Variants in DLG2 observed in about 807,000 individuals in gnomAD.
DLG2 encodes discs large MAGUK scaffold protein 2, also known as disks large homolog 2.
A neutral mutation model predicts 132.5 loss-of-function variants in DLG2; 45 were observed. That is an observed-to-expected ratio of 0.34 (90% CI 0.27 to 0.44). The LOEUF (loss-of-function observed/expected upper bound fraction) is 0.44, where lower values mean the gene tolerates loss of function less well. Ranked by LOEUF, DLG2 falls within the 20% of genes least tolerant of loss-of-function variation. The probability of loss-of-function intolerance (pLI) is 1.00; values close to 1 mark genes in which losing one functional copy is unlikely to be tolerated. For missense variants in DLG2, 1,045 were observed against 1,196.9 expected, an observed-to-expected ratio of 0.87 and a Z score of 1.87; for synonymous variants, 424 against 419.6, an observed-to-expected ratio of 1.01 and a Z score of -0.13.
intron 8 of DLG2, among the ~76,000 whole-genome samples, chr11:84,232,988 A>G (rs925246477): frequency 7.9e-5 from 12 of 152,172 alleles, no homozygotes; most frequent in Non-Finnish European, 1.3e-4. Flanking sequence ...CACAAGTCCA[A>G]TTTGCCATTA....
chr11:85,414,890 T>C (rs2089681153), intron 3 of DLG2, among the ~76,000 whole-genome samples: 1 of 152,124 alleles, frequency 6.6e-6, no homozygotes, highest in Non-Finnish European at 1.5e-5. Flanking sequence ...CTTTAAGTTC[T>C]GGGAGACATG....
Position 83,786,756 on chromosome 11 carries a change from G to T in DLG2, c.1759C>A (p.Gln587Lys). ...GCCCCCTTTAGTGCAGCAGCTGCCT[G>T]CTCGTGGGATGCACCACGGAGGTCA... Reference protein sequence around the residue: ...GIDLRGASHEQAAAALKGAGQ... With the variant: ...GIDLRGASHEKAAAALKGAGQ... The change falls in exon 18 of 28, where the codon CAG (glutamine) becomes AAG (lysine). Residue 587 changes from glutamine to lysine, a missense_variant. By Grantham distance (53) the Gln-to-Lys change is moderately conservative. Around this residue, in one of 4 missense-constraint regions of DLG2, gnomAD observed 398 missense variants for 543.6 expected, o/e 0.73. Transcript: ENST00000376104. 6 of 1,614,130 alleles carry T rather than the reference G, an allele frequency of 3.7e-6. No individual in the cohort carries two copies. The highest frequency in any genetic ancestry group is 5.1e-6 in the Non-Finnish European group (6 of 1,180,014).
chr11:84,912,082 A>T (rs2092111639), intron 6 of DLG2, among the ~76,000 whole-genome samples: 1 of 152,192 alleles, frequency 6.6e-6, no homozygotes, highest in Non-Finnish European at 1.5e-5. Flanking sequence ...CCAGTTTGAG[A>T]TAACCACCAA....
chr11:83,942,436 A>G (rs1189916562), intron 14 of DLG2, among the ~76,000 whole-genome samples: 1 of 152,214 alleles, frequency 6.6e-6, no homozygotes, highest in Non-Finnish European at 1.5e-5. Flanking sequence ...GATTAAAAAG[A>G]GTCTAGAAGC....
At chr11:84,784,357 TAAATA>T (rs2072470853) in intron 6 of DLG2, among the ~76,000 whole-genome samples, 1 of 148,558 alleles carries the variant, frequency 6.7e-6, no homozygotes, top group Admixed American at 6.7e-5. Context: ...AATAAATAAA[TAAATA>T]AATAAATTAA....
At chr11:84,217,136 A>G (rs2096846289) in intron 8 of DLG2, among the ~76,000 whole-genome samples, 1 of 152,220 alleles carries the variant, frequency 6.6e-6, no homozygotes, top group Non-Finnish European at 1.5e-5. Flanking sequence ...TTCTTTCCTT[A>G]TTTCTGTCCA....
chr11:84,888,963 G>A (rs1186707904), intron 6 of DLG2, among the ~76,000 whole-genome samples: 2 of 152,080 alleles, frequency 1.3e-5, no homozygotes, highest in African/African-American at 4.8e-5. Context: ...ATGAAAGATT[G>A]ACACAATTGA....
intron 6 of DLG2, among the ~76,000 whole-genome samples, chr11:84,785,290 A>C (rs2072672240): frequency 6.6e-6 from 1 of 152,078 alleles, no homozygotes; most frequent in South Asian, 2.1e-4. Flanking sequence ...CTGACAGTAT[A>C]ATTTTTTTCT....
At chr11:83,882,654 C>A (rs1201216135) in intron 15 of DLG2, among the ~76,000 whole-genome samples, 1 of 152,156 alleles carries the variant, frequency 6.6e-6, no homozygotes, top group East Asian at 1.9e-4. Context: ...ACTATACAAT[C>A]ATATTTTTAA....
At chr11:84,260,223 T>C (rs544473475) in intron 7 of DLG2, among the ~76,000 whole-genome samples, 3 of 152,242 alleles carry the variant, frequency 2.0e-5, no homozygotes, top group South Asian at 4.1e-4. Context: ...CACAAAAAAA[T>C]TGAGTCATTA....
chr11:85,511,322 T>C (rs1236103213), intron 3 of DLG2, among the ~76,000 whole-genome samples: 2 of 151,666 alleles, frequency 1.3e-5, no homozygotes, highest in Admixed American at 1.3e-4. Context: ...TGTATACACA[T>C]GTAACAAACC....
chr11:85,265,735 C>T (rs1368363724), intron 4 of DLG2, among the ~76,000 whole-genome samples: 2 of 152,180 alleles, frequency 1.3e-5, no homozygotes, highest in Non-Finnish European at 2.9e-5. Context: ...CCATCCTGTG[C>T]CTATAAAGAT....
chr11:83,556,854 C>T (rs915913443), intron 19 of DLG2, among the ~76,000 whole-genome samples: 4 of 152,148 alleles, frequency 2.6e-5, no homozygotes, highest in Non-Finnish European at 4.4e-5. Context: ...TGGGATGATG[C>T]GGGGAAGATG....
intron 6 of DLG2, among the ~76,000 whole-genome samples, chr11:84,994,826 T>C (rs759593789): frequency 2.0e-5 from 3 of 152,214 alleles, no homozygotes; most frequent in African/African-American, 7.2e-5. Context: ...GCCTTGTGTT[T>C]CCTGGAAACA....
At chr11:83,557,178 C>G (rs1565790273) in intron 19 of DLG2, among the ~76,000 whole-genome samples, 5 of 152,220 alleles carry the variant, frequency 3.3e-5, no homozygotes. Context: ...GATGGTATCT[C>G]TGCCTTCACA....
intron 6 of DLG2, among the ~76,000 whole-genome samples, chr11:85,073,043 CATT>C (rs1225727003): frequency 1.3e-5 from 2 of 151,728 alleles, no homozygotes; most frequent in Admixed American, 1.3e-4. Flanking sequence ...ATTTGTATTC[CATT>C]AACTAAAATA....
intron 18 of DLG2, among the ~76,000 whole-genome samples, chr11:83,757,373 T>C (rs1321105228): frequency 2.6e-5 from 4 of 152,220 alleles, no homozygotes; most frequent in Non-Finnish European, 2.9e-5. Context: ...ATTGTTTACA[T>C]TCTGAAACTT....
intron 3 of DLG2, among the ~76,000 whole-genome samples, chr11:85,486,677 C>T (rs1168859919): frequency 6.6e-6 from 1 of 152,058 alleles, no homozygotes; most frequent in Non-Finnish European, 1.5e-5. Context: ...ATAGCAGTCA[C>T]CACCAACACC....
chr11:84,486,348 T>C (rs1296709512), intron 7 of DLG2, among the ~76,000 whole-genome samples: 1 of 152,152 alleles, frequency 6.6e-6, no homozygotes, highest in African/African-American at 2.4e-5. Flanking sequence ...AGGTTTTGGT[T>C]AGACTTGGTT....
Sources: allele counts gnomAD v4.1 joint callset (sites outside exome capture counted in the v4.1 genomes callset), GRCh38; gene constraint gnomAD v4.1.1; regional missense constraint gnomAD v4.1.1; transcripts MANE v1.5; gene names NCBI Gene and HGNC (gene_info 2026-07-23, HGNC 2026-07-21).